The following ZFPM2 variants were observed in gnomAD, a reference collection of about 807,000 sequenced individuals.
ZFPM2 encodes zinc finger protein ZFPM2.
ZFPM2 carries 20 observed loss-of-function variants against 98.6 expected under a neutral mutation model. That is an observed-to-expected ratio of 0.20 (90% confidence interval 0.14 to 0.29). The LOEUF (loss-of-function observed/expected upper bound fraction) is 0.29. Ranked by LOEUF, ZFPM2 falls within the 10% of genes least tolerant of loss-of-function variation. ZFPM2 has a pLI of 1.00. For missense variants in ZFPM2, 1,310 were observed against 1,388.6 expected, an observed-to-expected ratio of 0.94 and a Z score of 0.90; for synonymous variants, 518 against 502.7, an observed-to-expected ratio of 1.03 and a Z score of -0.41.
chr8:105,606,302 G>C (rs1289833655), intron 4 of ZFPM2, among the ~76,000 whole-genome samples: 15 of 151,872 alleles, frequency 9.9e-5, no homozygotes, highest in Non-Finnish European at 2.2e-4. Flanking sequence ...TTCTAGTGTT[G>C]ATTATATGCT....
rs79431338 is a variant in ZFPM2, at chr8:105,459,679, T to G, written c.301+15298T>G. ...GCATCCTCGCCTTACTTTTTCTGCG[T>G]GTGTGAGGACTCCTGGTGTGTGTTC... On this transcript the variant is annotated intron_variant, in intron 3 of 7. Transcript: ENST00000407775. 2.4e-3 allele frequency among the ~76,000 whole-genome samples: 370 copies of G among 152,292 alleles called. 2 individuals are homozygous for G. The highest frequency in any genetic ancestry group is 0.01 in the Middle Eastern group (3 of 294).
intron 1 of ZFPM2, among the ~76,000 whole-genome samples, chr8:105,386,519 C>A (rs1195508045): frequency 1.3e-5 from 2 of 151,944 alleles, no homozygotes; most frequent in African/African-American, 2.4e-5. Context: ...ATGTGTTCAG[C>A]CTTCTGGTGG....
chr8:105,572,279 G>A (rs752242156), intron 4 of ZFPM2, among the ~76,000 whole-genome samples: 5 of 151,920 alleles, frequency 3.3e-5, no homozygotes, highest in African/African-American at 1.2e-4. Flanking sequence ...CCTTGTGATC[G>A]CCTGCCTTGG....
At chr8:105,336,479 T>G (rs1186246525) in intron 1 of ZFPM2, among the ~76,000 whole-genome samples, 4 of 151,778 alleles carry the variant, frequency 2.6e-5, no homozygotes, top group African/African-American at 9.7e-5. Context: ...GACAAATATT[T>G]AAATGAAGTA....
At chr8:105,519,433 T>C (rs1329215412) in intron 3 of ZFPM2, among the ~76,000 whole-genome samples, 2 of 152,100 alleles carry the variant, frequency 1.3e-5, no homozygotes, top group Non-Finnish European at 2.9e-5. Context: ...GGATGAGAAA[T>C]GATCTCGTAC....
At chr8:105,757,005 T>C (rs1812615940) in intron 5 of ZFPM2, among the ~76,000 whole-genome samples, 1 of 152,150 alleles carries the variant, frequency 6.6e-6, no homozygotes. Flanking sequence ...TAGTCGATAA[T>C]TTACAGCTAA....
chr8:105,563,533 A>G (rs529066938), intron 4 of ZFPM2, among the ~76,000 whole-genome samples: 27 of 152,314 alleles, frequency 1.8e-4, no homozygotes, highest in African/African-American at 6.3e-4. Flanking sequence ...AGCTACTTCA[A>G]AAGAGATTTG....
chr8:105,558,245 T>C (rs1815044580), intron 3 of ZFPM2, among the ~76,000 whole-genome samples: 1 of 152,218 alleles, frequency 6.6e-6, no homozygotes, highest in South Asian at 2.1e-4. Context: ...AGAATATACA[T>C]GCTAATTATT....
At chr8:105,435,664 A>T (rs1353083045) in intron 2 of ZFPM2, among the ~76,000 whole-genome samples, 1 of 152,178 alleles carries the variant, frequency 6.6e-6, no homozygotes, top group Non-Finnish European at 1.5e-5. Flanking sequence ...AATGGATAGA[A>T]GTAAAAAAAA....
At chr8:105,380,966 G>T (rs375819594) in intron 1 of ZFPM2, among the ~76,000 whole-genome samples, 2 of 115,352 alleles carry the variant, frequency 1.7e-5, no homozygotes, top group Middle Eastern at 5.2e-3. Flanking sequence ...TGGGATACAC[G>T]TGGAGAACTT....
At chr8:105,444,120 A>G (rs183652570) in intron 2 of ZFPM2, among the ~76,000 whole-genome samples, 160 bp from the exon 3 acceptor site, 36 of 152,374 alleles carry the variant, frequency 2.4e-4, no homozygotes, top group African/African-American at 7.2e-4. Flanking sequence ...TGAAGCCACA[A>G]TAGATATCAA....
intron 5 of ZFPM2, among the ~76,000 whole-genome samples, chr8:105,694,390 AT>A (rs1445995816): frequency 6.6e-6 from 1 of 151,940 alleles, no homozygotes; most frequent in Admixed American, 6.6e-5. Flanking sequence ...CACAATTATG[AT>A]TTTTTTAAAG....
intron 1 of ZFPM2, among the ~76,000 whole-genome samples, chr8:105,402,320 T>C (rs1280770723): frequency 1.3e-5 from 2 of 152,100 alleles, no homozygotes; most frequent in Admixed American, 6.5e-5. Context: ...CTCTTAACTA[T>C]TGCATTTTAT....
chr8:105,777,424 T>C (rs1367584974), intron 5 of ZFPM2, among the ~76,000 whole-genome samples: 2 of 152,198 alleles, frequency 1.3e-5, no homozygotes, highest in African/African-American at 4.8e-5. Context: ...AAGAATAATT[T>C]TTTAAAAAAA....
intron 6 of ZFPM2, among the ~76,000 whole-genome samples, chr8:105,793,707 T>C (rs1315492566): frequency 1.3e-5 from 2 of 152,180 alleles, no homozygotes; most frequent in Non-Finnish European, 2.9e-5. Flanking sequence ...ATTCTCCCCA[T>C]CACTTTCAGA....
chr8:105,346,912 C>A (rs2129691095), intron 1 of ZFPM2, among the ~76,000 whole-genome samples: 1 of 152,206 alleles, frequency 6.6e-6, no homozygotes, highest in South Asian at 2.1e-4. Flanking sequence ...TCAGTAAATG[C>A]TAGTCAGTTT....
At chr8:105,417,938 T>C (rs571273262) in intron 1 of ZFPM2, among the ~76,000 whole-genome samples, 1 of 152,322 alleles carries the variant, frequency 6.6e-6, no homozygotes, top group Admixed American at 6.5e-5. Flanking sequence ...TTTAGTTGGA[T>C]GTCCCTTCAT....
At chr8:105,485,352 T>G (rs1813210990) in intron 3 of ZFPM2, among the ~76,000 whole-genome samples, 2 of 152,062 alleles carry the variant, frequency 1.3e-5, no homozygotes, top group South Asian at 2.1e-4. Flanking sequence ...TCCGATGTGT[T>G]TTTTAGAAAG....
chr8:105,712,958 T>C (rs7003445), intron 5 of ZFPM2, among the ~76,000 whole-genome samples: 70,942 of 151,796 alleles, frequency 0.47, 17,515 homozygotes, highest in African/African-American at 0.63. Context: ...CAGTTGATTC[T>C]GTCCTAGTGG....
Sources: gnomAD v4.1 joint callset for allele counts (sites outside exome capture counted in the v4.1 genomes callset) on GRCh38, gnomAD v4.1.1 for gene constraint, MANE v1.5 for transcripts, NCBI Gene and HGNC (gene_info 2026-07-23, HGNC 2026-07-21) for gene names.